The following IRF4 variants were observed in gnomAD, a reference collection of about 807,000 sequenced individuals.
IRF4 encodes interferon regulatory factor 4, also known as lymphocyte-specific interferon regulatory factor.
In IRF4, 13 loss-of-function variants were observed where a neutral mutation model predicts 55.5. That is an observed-to-expected ratio of 0.23 (90% CI 0.15 to 0.37). IRF4 has a LOEUF of 0.37. Ranked by LOEUF, IRF4 falls within the 10% of genes least tolerant of loss-of-function variation. IRF4 has a pLI of 1.00. For synonymous variants in IRF4, 249 were observed against 240.7 expected (o/e 1.03, Z -0.32); for missense variants, 397 against 593.8 (o/e 0.67, Z 3.44).
chr6:393,081 A>G lies in IRF4; in HGVS notation c.-55-17A>G, dbSNP rs1225971959. ...GTGCGGTGCCTCGTGGCTGAAGGGCAGCTCTTCTCCCCGCAGTGCAGAGCA... is the reference window on the plus strand; with the variant it reads ...GTGCGGTGCCTCGTGGCTGAAGGGCGGCTCTTCTCCCCGCAGTGCAGAGCA... On this transcript the variant is annotated splice_polypyrimidine_tract_variant and intron_variant, in intron 1 of 8. Transcript: ENST00000380956. This position sits in a 1 kb window ranked among gnomAD's most constrained non-coding sequence, Gnocchi z 5.4. 7.3e-7 allele frequency: 1 copy of G among 1,374,008 alleles called. No individual in the cohort carries two copies. The highest frequency in any genetic ancestry group is 2.6e-5 in the East Asian group (1 of 38,994). The allele number at this position is 1,374,008 out of a possible 1,614,324, so 85.1% of individuals were successfully genotyped here.
chr6:408,862 A>G lies in IRF4; in HGVS notation c.*1264A>G, dbSNP rs553335363. On this transcript the variant is annotated 3_prime_UTR_variant, in exon 9 of 9. Coordinates refer to ENST00000380956, the MANE Select transcript of IRF4 (RefSeq NM_002460.4). ...TGTTTCTGCTTATTTCATCTGTTCT[A>G]TGCTTCCTCGTGCCAATTATAGTTT... The G allele has an allele frequency of 2.5e-4, 59 of 232,650 alleles. No individual in the cohort carries two copies. The highest frequency in any genetic ancestry group is 2.6e-3 in the Middle Eastern group (2 of 778). 14.4% of individuals were successfully genotyped at this position (232,650 alleles called of 1,614,324 possible).
Position 401,876 on chromosome 6 carries a change from T to G in IRF4, c.1099+99T>G, listed in dbSNP as rs1761410348. 4.6e-6 allele frequency: 5 copies of G among 1,088,632 alleles called. 1 individual carries two copies. In the South Asian group the frequency reaches 7.4e-5, roughly 16 times the overall value. 67.4% of individuals were successfully genotyped at this position (1,088,632 alleles called of 1,614,324 possible). ...TCCCTCCCACCCCAGGCTGAGGTCT[T>G]CCTCCTGTTGACTTCGGCGCCCACT... On this transcript the variant is annotated intron_variant, in intron 7 of 8. Transcript: ENST00000380956.
chr6:393,120 A>G lies in IRF4; in HGVS notation c.-33A>G. On this transcript the variant is annotated 5_prime_UTR_variant, in exon 2 of 9. Coordinates refer to ENST00000380956, the MANE Select transcript of IRF4 (RefSeq NM_002460.4). The surrounding 1 kb of genome is among the most constrained non-coding windows in gnomAD (Gnocchi z 5.4). ...CAGTGCAGAGCAGAGCGGGCGGAGG[A>G]CCCCGGGCGCGGGCGCGGACGGCAC... 4.5e-6 allele frequency: 7 copies of G among 1,538,744 alleles called. No homozygotes were observed. The highest frequency in any genetic ancestry group is 6.1e-6 in the Non-Finnish European group (7 of 1,139,860).
rs2127440269 is a variant in IRF4, at chr6:401,704, G to A, written c.1026G>A (p.Leu342=). ...SRIYWDGPLA[L]CNDRPNKLER... is the part of the protein sequence containing the mutation. ...TCTACTGGGACGGGCCCCTGGCGCT[G>A]TGCAACGACCGGCCCAACAAACTGG... is the stretch of plus-strand genomic sequence containing the variant. Residue 342 remains leucine, a synonymous_variant, in exon 7 of 9, where the codon CTG becomes CTA. Coordinates refer to ENST00000380956, the MANE Select transcript of IRF4 (RefSeq NM_002460.4). 6.2e-7 allele frequency: 1 copy of A among 1,614,256 alleles called. No individual in the cohort carries two copies. The highest frequency in any genetic ancestry group is 8.5e-7 in the Non-Finnish European group (1 of 1,180,052).
chr6:393,358 C>T lies in IRF4; in HGVS notation c.206C>T (p.Ala69Val). Residue 69 changes from alanine to valine, a missense_variant, in exon 2 of 9, where the codon GCG (alanine) becomes GTG (valine). This residue lies in a region of IRF4 where 341 missense variants were observed against 548.1 expected (regional missense o/e 0.62). Coordinates refer to ENST00000380956, the MANE Select transcript of IRF4 (RefSeq NM_002460.4). The surrounding 1 kb of genome is among the most constrained non-coding windows in gnomAD (Gnocchi z 5.4). The part of the protein sequence containing the change: ...KQDYNREEDA[A>V]LFKAWALFKG... Reference sequence around the variant, plus strand: ...GACTACAACCGCGAGGAGGACGCCGCGCTCTTCAAGGTCTCCGGCCTCGGG... The same window carrying T: ...GACTACAACCGCGAGGAGGACGCCGTGCTCTTCAAGGTCTCCGGCCTCGGG... 1 of 1,596,082 alleles carries T rather than the reference C, an allele frequency of 6.3e-7. No individual in the cohort carries two copies. Among genetic ancestry groups the T allele is most frequent in the Non-Finnish European group, 8.5e-7 (1 of 1,171,402 alleles).
chr6:393,210 G>C lies in IRF4; in HGVS notation c.58G>C (p.Gly20Arg). Residue 20 changes from glycine (G) to arginine (R), a missense_variant, in exon 2 of 9, where the codon GGC becomes CGC. This residue lies in a region of IRF4 where 34 missense variants were observed against 29.4 expected (regional missense o/e 1.16). Coordinates refer to ENST00000380956, the MANE Select transcript of IRF4 (RefSeq NM_002460.4). The surrounding 1 kb of genome is among the most constrained non-coding windows in gnomAD (Gnocchi z 5.4). Reference sequence around the variant, plus strand: ...GTTCGGCATGAGCGCGGTGAGCTGCGGCAACGGGAAGCTCCGCCAGTGGCT... The same window carrying C: ...GTTCGGCATGAGCGCGGTGAGCTGCCGCAACGGGAAGCTCCGCCAGTGGCT... ...GEFGMSAVSCGNGKLRQWLID... is the reference protein window; with the variant it reads ...GEFGMSAVSCRNGKLRQWLID... 6.4e-7 allele frequency: 1 copy of C among 1,560,956 alleles called. No homozygotes were observed. The highest frequency in any genetic ancestry group is 8.7e-7 in the Non-Finnish European group (1 of 1,152,322).
intron 8 of IRF4, 116 bp downstream of exon 8, chr6:405,246 C>A: frequency 1.5e-6 from 1 of 664,090 alleles, no homozygotes; most frequent in Non-Finnish European, 2.6e-6. Context: ...GAAAAATAAG[C>A]GTAACCCTTA....
chr6:392,417 C>T (rs951348312), intron 1 of IRF4, among the ~76,000 whole-genome samples: 2 of 152,266 alleles, frequency 1.3e-5, no homozygotes, highest in Non-Finnish European at 2.9e-5. Flanking sequence ...TCCGCTCTCC[C>T]GGGCCTGCTC....
rs1363347897 is a variant in IRF4 at position 394,994 on chromosome 6, G to A, written c.390G>A (p.Glu130=). The A allele has an allele frequency of 1.9e-6, 3 of 1,596,222 alleles. No homozygotes were observed. The highest frequency in any genetic ancestry group is 4.5e-5 in the East Asian group (2 of 44,174). Reference sequence around the variant, plus strand: ...ACAAAGTGTACAGGATTGTTCCTGAGGGAGCCAAAAAAGGTAGGGGCTCTC... The same window carrying A: ...ACAAAGTGTACAGGATTGTTCCTGAAGGAGCCAAAAAAGGTAGGGGCTCTC... ...DPYKVYRIVP[E]GAKKGAKQLT... is the part of the protein sequence containing the mutation. The change falls in exon 3 of 9, where the codon GAG becomes GAA. Residue 130 remains glutamate (E), a synonymous_variant. Transcript: ENST00000380956.
chr6:394,319 T>G (rs937326915), intron 2 of IRF4, among the ~76,000 whole-genome samples: 4 of 152,168 alleles, frequency 2.6e-5, no homozygotes, highest in African/African-American at 9.7e-5. Flanking sequence ...AAAATGTGTC[T>G]TCAACTTGGC....
In IRF4 at chr6:393,438, G is replaced by A; in HGVS notation, c.216+70G>A. On this transcript the variant is annotated intron_variant, in intron 2 of 8. Coordinates refer to ENST00000380956, the MANE Select transcript of IRF4 (RefSeq NM_002460.4). The surrounding 1 kb of genome is among the most constrained non-coding windows in gnomAD (Gnocchi z 5.4). ...AGAGACAGAGCCCGGGGTCCCCGGC[G>A]CCGCCTCCGAGGCGAGCCCAGGGGA... 7.4e-6 allele frequency: 4 copies of A among 541,200 alleles called. No individual in the cohort carries two copies. Among genetic ancestry groups the A allele is most frequent in the Non-Finnish European group, 8.5e-6 (3 of 351,568 alleles). The allele number at this position is 541,200 out of a possible 1,614,324, so 33.5% of individuals were successfully genotyped here. A position where few individuals can be genotyped will look rare whatever the true frequency, so the allele number is the denominator to read the frequency against.
intron 7 of IRF4, among the ~76,000 whole-genome samples, chr6:404,212 G>A (rs1399783582): frequency 6.6e-6 from 1 of 152,232 alleles, no homozygotes; most frequent in African/African-American, 2.4e-5. Context: ...CAGAAGATTT[G>A]TCTTGTGTAC....
At chr6:397,278 T>A (rs369827408) in intron 5 of IRF4, 26 bp downstream of exon 5, 5 of 1,613,148 alleles carry the variant, frequency 3.1e-6, no homozygotes, top group Non-Finnish European at 4.2e-6. Context: ...GTGCAGGAAA[T>A]AGAAGAGCTA....
rs1164829148 is a variant in IRF4, at chr6:393,473, G to A, written c.216+105G>A. ...AGGCGAGCCCAGGGGACCGCGCGGG[G>A]CGGACGGGCGGGCGGCGGAGGCATC... On this transcript the variant is annotated intron_variant, in intron 2 of 8. Transcript: ENST00000380956. The surrounding 1 kb of genome is among the most constrained non-coding windows in gnomAD (Gnocchi z 5.4). 1 of 801,898 alleles carries A rather than the reference G, an allele frequency of 1.2e-6. No homozygotes were observed. The highest frequency in any genetic ancestry group is 1.7e-6 in the Non-Finnish European group (1 of 583,728). The allele number at this position is 801,898 out of a possible 1,614,324, so 49.7% of individuals were successfully genotyped here.
At chr6:399,042 C>T in intron 6 of IRF4, 107 bp downstream of exon 6, 2 of 668,600 alleles carry the variant, frequency 3.0e-6, no homozygotes, top group Non-Finnish European at 5.0e-6. Context: ...TGCTTTGCTC[C>T]CTCTGGGGTC....
At chr6:392,398 C>CGGG (rs1761129074) in intron 1 of IRF4, among the ~76,000 whole-genome samples, 1 of 152,276 alleles carries the variant, frequency 6.6e-6, no homozygotes, top group Non-Finnish European at 1.5e-5. Context: ...CTCCCGCGCC[C>CGGG]TCCCCGCCTC....
rs1208332776 is a variant in IRF4, at chr6:394,868, G to A, written c.264G>A (p.Pro88=). 2 of 1,614,078 alleles carry A rather than the reference G, an allele frequency of 1.2e-6. No homozygotes were observed. Among genetic ancestry groups the A allele is most frequent in the African/African-American group, 1.3e-5 (1 of 74,930 alleles). ...AGTTCCGAGAAGGCATCGACAAGCC[G>A]GACCCTCCCACCTGGAAGACGCGCC... The part of the protein sequence containing the change: ...KGKFREGIDK[P]DPPTWKTRLR... Residue 88 remains proline, a synonymous_variant, in exon 3 of 9, where the codon CCG becomes CCA. Transcript: ENST00000380956.
chr6:402,433 C>A (rs1363889617), intron 7 of IRF4, among the ~76,000 whole-genome samples: 1 of 152,078 alleles, frequency 6.6e-6, no homozygotes, highest in Non-Finnish European at 1.5e-5. Flanking sequence ...GTGGAGGGAG[C>A]CTCCCGCGTG....
chr6:404,124 T>A (rs1761479641), intron 7 of IRF4, among the ~76,000 whole-genome samples: 1 of 152,190 alleles, frequency 6.6e-6, no homozygotes, highest in African/African-American at 2.4e-5. Context: ...TAAGGACGCG[T>A]CTGTTCTGCA....
Sources: allele counts gnomAD v4.1 joint callset (sites outside exome capture counted in the v4.1 genomes callset), GRCh38; gene constraint gnomAD v4.1.1; regional missense constraint gnomAD v4.1.1; non-coding constraint Gnocchi (gnomAD v3.1); transcripts MANE v1.5; gene names NCBI Gene and HGNC (gene_info 2026-07-23, HGNC 2026-07-21).